The following ARHGAP15 variants were observed in gnomAD, a reference collection of about 807,000 sequenced individuals.
The protein encoded by ARHGAP15 is Rho GTPase activating protein 15.
Under a neutral mutation model 63.7 loss-of-function variants are expected in ARHGAP15, and 51 were observed. That is an observed-to-expected ratio of 0.80 (90% CI 0.64 to 1.01). The LOEUF is 1.01. Ranked by LOEUF, ARHGAP15 falls within the 50% of genes least tolerant of loss-of-function variation. The pLI is 0.00. For synonymous variants in ARHGAP15, 191 were observed against 193.8 expected (o/e 0.99, Z 0.12); for missense variants, 560 against 564.6 (o/e 0.99, Z 0.08).
In ARHGAP15 at chr2:143,312,481, GAAAAA is replaced by G. The variant is rs779785072; in HGVS notation, c.474+61886_474+61890del. Among the ~76,000 whole-genome samples, 4 of 149,734 alleles carry G rather than the reference GAAAAA, an allele frequency of 2.7e-5. No homozygotes were observed. The East Asian group carries it at 7.8e-4, about 29-fold the overall frequency. On this transcript the variant is annotated intron_variant, in intron 6 of 13. Coordinates refer to ENST00000295095, the MANE Select transcript of ARHGAP15 (RefSeq NM_018460.4). ...CAGTTATTTTTTTCAAAGATAAAAA[GAAAAA>G]AAAAGCATGTTCAAAAATGTAGAAG...
intron 6 of ARHGAP15, among the ~76,000 whole-genome samples, chr2:143,390,908 C>A (rs530459256): frequency 2.6e-5 from 4 of 152,272 alleles, no homozygotes; most frequent in African/African-American, 9.6e-5. Flanking sequence ...AATTTTAAAG[C>A]CGTATTGATT....
At chr2:143,488,973 G>A (rs1229226311) in intron 9 of ARHGAP15, among the ~76,000 whole-genome samples, 1 of 152,162 alleles carries the variant, frequency 6.6e-6, no homozygotes, top group East Asian at 1.9e-4. Flanking sequence ...ACTTCACTAA[G>A]TAGTATTACT....
At chr2:143,759,440 G>A (rs555921394) in intron 13 of ARHGAP15, among the ~76,000 whole-genome samples, 9 of 152,196 alleles carry the variant, frequency 5.9e-5, no homozygotes, top group African/African-American at 2.2e-4. Context: ...TATATAAAGT[G>A]CATTTTCTCA....
intron 1 of ARHGAP15, among the ~76,000 whole-genome samples, chr2:143,129,795 C>A (rs1424162421): frequency 6.6e-6 from 1 of 152,130 alleles, no homozygotes; most frequent in Non-Finnish European, 1.5e-5. Context: ...AGACTTTGCA[C>A]CTTTAACCAA....
chr2:143,233,646 C>CTT (rs558684012), intron 5 of ARHGAP15, among the ~76,000 whole-genome samples: 37 of 132,182 alleles, frequency 2.8e-4, no homozygotes, highest in African/African-American at 4.7e-4. Context: ...CAATAGCTAT[C>CTT]TTTTTTTTTT....
intron 6 of ARHGAP15, among the ~76,000 whole-genome samples, chr2:143,370,267 T>A (rs1354789300): frequency 6.6e-6 from 1 of 151,828 alleles, no homozygotes; most frequent in East Asian, 1.9e-4. Context: ...ATACTTAAGA[T>A]CCTTGGCATG....
intron 1 of ARHGAP15, among the ~76,000 whole-genome samples, chr2:143,130,466 T>C (rs1688876724): frequency 6.6e-6 from 1 of 152,148 alleles, no homozygotes; most frequent in Admixed American, 6.5e-5. Context: ...TGCTGCTGGA[T>C]GGGAGAAGTG....
chr2:143,594,818 T>A (rs1697450221), intron 11 of ARHGAP15, among the ~76,000 whole-genome samples: 1 of 152,184 alleles, frequency 6.6e-6, no homozygotes, highest in African/African-American at 2.4e-5. Flanking sequence ...CATTTCAGAA[T>A]TCTACGTTGT....
At chr2:143,382,226 A>G (rs563716394) in intron 6 of ARHGAP15, among the ~76,000 whole-genome samples, 7 of 152,074 alleles carry the variant, frequency 4.6e-5, no homozygotes, top group African/African-American at 7.2e-5. Context: ...ACAAAGTACC[A>G]CACAAACAGG....
chr2:143,751,022 T>C (rs543591662), intron 13 of ARHGAP15, among the ~76,000 whole-genome samples: 4 of 152,312 alleles, frequency 2.6e-5, no homozygotes, highest in East Asian at 1.9e-4. Context: ...TCTATTTCTA[T>C]TGGAACTTCT....
chr2:143,572,813 T>G (rs1333422712), intron 11 of ARHGAP15, among the ~76,000 whole-genome samples: 1 of 152,222 alleles, frequency 6.6e-6, no homozygotes, highest in African/African-American at 2.4e-5. Context: ...TCTAGTTATG[T>G]AGGAATCCCT....
chr2:143,652,005 CA>C (rs1681191503), intron 12 of ARHGAP15, among the ~76,000 whole-genome samples: 1 of 151,922 alleles, frequency 6.6e-6, no homozygotes, highest in Non-Finnish European at 1.5e-5. Flanking sequence ...GCATTTTTAT[CA>C]GATGTCTGTT....
chr2:143,326,695 A>G (rs1684266873), intron 6 of ARHGAP15, among the ~76,000 whole-genome samples: 1 of 152,118 alleles, frequency 6.6e-6, no homozygotes, highest in Non-Finnish European at 1.5e-5. Context: ...CTACCCTGTG[A>G]TATTTAAATG....
intron 11 of ARHGAP15, among the ~76,000 whole-genome samples, chr2:143,610,479 A>G (rs1416145278): frequency 6.6e-6 from 1 of 152,160 alleles, no homozygotes; most frequent in Admixed American, 6.5e-5. Context: ...TTCCTGACCA[A>G]TCGACTTTCC....
intron 11 of ARHGAP15, among the ~76,000 whole-genome samples, chr2:143,590,586 T>C (rs4458149): frequency 0.82 from 124,954 of 152,098 alleles, 51,461 homozygotes; most frequent in African/African-American, 0.84. Context: ...CTTCTTTTCC[T>C]CACCCCCAAC....
At chr2:143,427,428 A>G (rs544407260) in intron 6 of ARHGAP15, among the ~76,000 whole-genome samples, 4 of 152,138 alleles carry the variant, frequency 2.6e-5, no homozygotes, top group African/African-American at 9.7e-5. Context: ...TCTTTGCATC[A>G]CTGAGTTTCT....
At chr2:143,322,889 T>C (rs1314440033) in intron 6 of ARHGAP15, among the ~76,000 whole-genome samples, 1 of 152,248 alleles carries the variant, frequency 6.6e-6, no homozygotes, top group African/African-American at 2.4e-5. Flanking sequence ...TGCAATGATA[T>C]GAACTTAATT....
At chr2:143,763,682 G>C (rs1224293612) in intron 13 of ARHGAP15, among the ~76,000 whole-genome samples, 1 of 148,684 alleles carries the variant, frequency 6.7e-6, no homozygotes, top group Non-Finnish European at 1.5e-5. Context: ...TATGCAAATT[G>C]CATATGTATA....
At chr2:143,203,825 A>G (rs1443118532) in intron 3 of ARHGAP15, among the ~76,000 whole-genome samples, 1 of 152,032 alleles carries the variant, frequency 6.6e-6, no homozygotes, top group Non-Finnish European at 1.5e-5. Flanking sequence ...GCTTTAGACC[A>G]TGTAACACTA....
Sources: allele counts gnomAD v4.1 joint callset (sites outside exome capture counted in the v4.1 genomes callset), GRCh38; gene constraint gnomAD v4.1.1; transcripts MANE v1.5; gene names NCBI Gene and HGNC (gene_info 2026-07-23, HGNC 2026-07-21).